The following ZNF536 variants were observed in gnomAD, a reference collection of about 807,000 sequenced individuals.
The protein encoded by ZNF536 is zinc finger protein 536.
In ZNF536, 13 loss-of-function variants were observed where a neutral mutation model predicts 84.5. The observed-to-expected ratio is 0.15, with a 90% confidence interval of 0.10 to 0.24. ZNF536 has a LOEUF of 0.24. ZNF536 is among the 10% of genes least tolerant of loss of function. The probability of loss-of-function intolerance (pLI) is 1.00; values close to 1 mark genes in which losing one functional copy is unlikely to be tolerated. For synonymous variants in ZNF536, 811 were observed against 742.5 expected, an observed-to-expected ratio of 1.09 and a Z score of -1.50; for missense variants, 1,536 against 1,747.5, an observed-to-expected ratio of 0.88 and a Z score of 2.16.
intron 2 of ZNF536, among the ~76,000 whole-genome samples, chr19:30,329,539 G>A (rs533281692): frequency 2.0e-5 from 3 of 152,066 alleles, no homozygotes; most frequent in Admixed American, 6.5e-5. Context: ...CAATGCAACA[G>A]CCATGAAAGT....
At chr19:30,334,965 G>A (rs761366121) in intron 2 of ZNF536, among the ~76,000 whole-genome samples, 4 of 152,186 alleles carry the variant, frequency 2.6e-5, no homozygotes, top group East Asian at 1.9e-4. Flanking sequence ...GGGCTCAGGC[G>A]GGAATGCTCG....
chr19:30,442,608 G>A (rs76349468), intron 1 of ZNF536, among the ~76,000 whole-genome samples: 1,739 of 152,164 alleles, frequency 0.011, 12 homozygotes, highest in Non-Finnish European at 0.016. Context: ...ATAAGGTATC[G>A]GTGTTTCCTT....
At chr19:30,576,717 G>A (rs2046750182) in intron 1 of ZNF536, among the ~76,000 whole-genome samples, 1 of 152,234 alleles carries the variant, frequency 6.6e-6, no homozygotes. Flanking sequence ...CTCACAGTGA[G>A]GCTTGTGGAG....
intron 1 of ZNF536, among the ~76,000 whole-genome samples, chr19:30,633,500 C>G (rs1332621474): frequency 6.6e-6 from 1 of 152,100 alleles, no homozygotes; most frequent in African/African-American, 2.4e-5. Context: ...TGCAATTGAT[C>G]TAAACAAAAA....
At chr19:30,468,281 G>A (rs964857069) in intron 2 of ZNF536, among the ~76,000 whole-genome samples, 4 of 152,208 alleles carry the variant, frequency 2.6e-5, no homozygotes, top group Non-Finnish European at 5.9e-5. Context: ...TTGGCGATAA[G>A]GCTTGGGGCT....
chr19:30,251,223 C>T (rs903284573), intron 1 of ZNF536, among the ~76,000 whole-genome samples: 1 of 152,162 alleles, frequency 6.6e-6, no homozygotes, highest in Non-Finnish European at 1.5e-5. Flanking sequence ...TGTGTGTCTA[C>T]ATTTTCTGGG....
chr19:30,477,459 A>C (rs1362441151), intron 2 of ZNF536, among the ~76,000 whole-genome samples: 1 of 152,192 alleles, frequency 6.6e-6, no homozygotes, highest in African/African-American at 2.4e-5. Context: ...GCATTTTATG[A>C]AACAGCAACC....
At chr19:30,240,563 C>T (rs956727524) in intron 1 of ZNF536, among the ~76,000 whole-genome samples, 1 of 152,174 alleles carries the variant, frequency 6.6e-6, no homozygotes, top group Non-Finnish European at 1.5e-5. Flanking sequence ...CATCGCATTG[C>T]TGCACTGGCC....
chr19:30,235,911 C>G (rs972242071), intron 1 of ZNF536, among the ~76,000 whole-genome samples: 1 of 152,202 alleles, frequency 6.6e-6, no homozygotes, highest in African/African-American at 2.4e-5. Flanking sequence ...AAATCTGCAC[C>G]GAGCAGAGAG....
At chr19:30,270,547 C>A (rs1047620996) in intron 1 of ZNF536, among the ~76,000 whole-genome samples, 1 of 152,176 alleles carries the variant, frequency 6.6e-6, no homozygotes, top group Admixed American at 6.5e-5. Flanking sequence ...AGACAATTAG[C>A]AAACAGAGGT....
Position 30,548,764 on chromosome 19 carries a change from A to G in ZNF536, c.3145A>G (p.Ser1049Gly), listed in dbSNP as rs2146216543. The G allele has an allele frequency of 6.2e-7, 1 of 1,613,926 alleles. No individual in the cohort carries two copies. The highest frequency in any genetic ancestry group is 2.2e-5 in the East Asian group (1 of 44,856). ...VNCKDQAREA[S>G]KMALLPSLQS... ...CTGCAAAGACCAAGCCCGGGAGGCGAGTAAGATGGCCCTGCTGCCCTCGTT... is the reference window on the plus strand; with the variant it reads ...CTGCAAAGACCAAGCCCGGGAGGCGGGTAAGATGGCCCTGCTGCCCTCGTT... Residue 1049 changes from serine to glycine, a missense_variant, in exon 4 of 5, where the codon AGT becomes GGT. By Grantham distance (56) the Ser-to-Gly change is moderately conservative. Transcript: ENST00000355537.
chr19:30,285,913 T>C (rs1446868416), intron 2 of ZNF536, among the ~76,000 whole-genome samples: 1 of 152,208 alleles, frequency 6.6e-6, no homozygotes, highest in Non-Finnish European at 1.5e-5. Flanking sequence ...GTCTAACCTA[T>C]AGGAAAACGA....
intron 1 of ZNF536, among the ~76,000 whole-genome samples, chr19:30,606,869 G>A (rs2047913610): frequency 6.6e-6 from 1 of 152,138 alleles, no homozygotes; most frequent in African/African-American, 2.4e-5. Context: ...GGCTGCATAG[G>A]AAGAGGGTTC....
At chr19:30,406,694 T>G (rs998006487) in intron 1 of ZNF536, among the ~76,000 whole-genome samples, 14 of 152,154 alleles carry the variant, frequency 9.2e-5, no homozygotes, top group African/African-American at 1.9e-4. Flanking sequence ...GCTTGGTGCC[T>G]GACACAGAGT....
intron 2 of ZNF536, among the ~76,000 whole-genome samples, chr19:30,295,840 G>C (rs731675): frequency 0.23 from 35,237 of 151,976 alleles, 4,942 homozygotes; most frequent in East Asian, 0.54. Context: ...AAAGCAGGCA[G>C]GATCCTTGGT....
intron 1 of ZNF536, among the ~76,000 whole-genome samples, chr19:30,399,240 C>T (rs2049947450): frequency 6.6e-6 from 1 of 152,218 alleles, no homozygotes. Context: ...TGTTCATATC[C>T]TTCACCCACT....
chr19:30,442,931 G>C, intron 1 of ZNF536, among the ~76,000 whole-genome samples: 1 of 152,000 alleles, frequency 6.6e-6, no homozygotes, highest in East Asian at 1.9e-4. Context: ...GTTGACTAAA[G>C]CAAAATCCCT....
chr19:30,640,519 C>T (rs2049230249), intron 1 of ZNF536, among the ~76,000 whole-genome samples: 1 of 152,162 alleles, frequency 6.6e-6, no homozygotes, highest in South Asian at 2.1e-4. Context: ...GATTATCTCC[C>T]CAGTTCTAAG....
chr19:30,296,145 C>A (rs1320491975), intron 2 of ZNF536: 1 of 152,218 alleles, frequency 6.6e-6, no homozygotes, highest in Non-Finnish European at 1.5e-5. Context: ...CTGTCATTAT[C>A]CCATTTCAGA....
Sources: allele counts gnomAD v4.1 joint callset (sites outside exome capture counted in the v4.1 genomes callset), GRCh38; gene constraint gnomAD v4.1.1; transcripts MANE v1.5; gene names NCBI Gene and HGNC (gene_info 2026-07-23, HGNC 2026-07-21).